SBF2: variants seen among roughly 807,000 people sequenced by gnomAD.
SBF2 encodes the protein SET binding factor 2.
A neutral mutation model predicts 225.2 loss-of-function variants in SBF2; 112 were observed. The observed-to-expected ratio is 0.50, with a 90% CI of 0.43 to 0.58. The LOEUF (loss-of-function observed/expected upper bound fraction) is 0.58, where lower values mean the gene tolerates loss of function less well. SBF2 is among the 20% of genes least tolerant of loss of function. SBF2 has a pLI of 0.00. For missense variants in SBF2, 1,996 were observed against 2,206.2 expected (o/e 0.90, Z 1.91); for synonymous variants, 763 against 773.3 (o/e 0.99, Z 0.22).
At position 9,829,391 on chromosome 11, in the gene SBF2, G is replaced by A. The variant is rs368392902; in HGVS notation, c.3758C>T (p.Thr1253Ile). 18 of 1,614,066 alleles carry A rather than the reference G, an allele frequency of 1.1e-5. No individual in the cohort carries two copies. In the African/African-American group the frequency reaches 2.1e-4, roughly 19 times the overall value. Residue 1253 changes from threonine to isoleucine, a missense_variant, in exon 28 of 40, where the codon ACT (threonine) becomes ATT (isoleucine). Thr to Ile is a moderately conservative substitution (Grantham distance 89). Coordinates refer to ENST00000256190, the MANE Select transcript of SBF2 (RefSeq NM_030962.4). ...AGCAAAGGCTGGCCTGACAGTAAGA[G>A]TGCTGTTGCCTCTGAGTTTCTGATG... ...SVHQKLRGNS[T>I]LTVRPAFALS... is the part of the protein sequence containing the mutation.
chr11:10,117,657 G>A (rs1436692520), intron 2 of SBF2, among the ~76,000 whole-genome samples: 2 of 151,956 alleles, frequency 1.3e-5, no homozygotes, highest in African/African-American at 4.8e-5. Flanking sequence ...GTGATTATTG[G>A]GAGCAGGGGA....
chr11:9,949,548 A>G (rs1036542959), intron 16 of SBF2, among the ~76,000 whole-genome samples: 2 of 152,178 alleles, frequency 1.3e-5, no homozygotes, highest in Non-Finnish European at 2.9e-5. Flanking sequence ...TGAGATAATC[A>G]TAATTCTTTT....
chr11:9,909,404 G>T (rs1223926104), intron 16 of SBF2, among the ~76,000 whole-genome samples: 1 of 152,002 alleles, frequency 6.6e-6, no homozygotes, highest in African/African-American at 2.4e-5. Context: ...GGGCGCGGTG[G>T]CTTACGCCTG....
chr11:10,273,595 C>T (rs546844356), intron 1 of SBF2, among the ~76,000 whole-genome samples: 12 of 152,284 alleles, frequency 7.9e-5, no homozygotes, highest in African/African-American at 2.9e-4. Flanking sequence ...ATGCTAGGAC[C>T]ATGGGTGGCA....
At chr11:10,031,899 C>A (rs780563090) in intron 3 of SBF2, among the ~76,000 whole-genome samples, 1 of 152,110 alleles carries the variant, frequency 6.6e-6, no homozygotes, top group South Asian at 2.1e-4. Context: ...CACTCCACCA[C>A]GCCAGGTTAA....
chr11:10,258,109 C>CACACACACT lies in SBF2; in HGVS notation c.55+35905_55+35906insAGTGTGTGT, dbSNP rs1555098198. Among the ~76,000 whole-genome samples the CACACACACT allele has an allele frequency of 9.0e-5, 12 of 133,526 alleles. 1 individual carries two copies. The highest frequency in any genetic ancestry group is 1.6e-4 in the Non-Finnish European group (10 of 61,608). 87.6% of individuals were successfully genotyped at this position (133,526 alleles called of 152,430 possible). ...ACACACACACACACACACACACACA[C>CACACACACT]TTTTTTTTTTTTTTGAGACAGGATC... On this transcript the variant is annotated intron_variant, in intron 1 of 39. Coordinates refer to ENST00000256190, the MANE Select transcript of SBF2 (RefSeq NM_030962.4).
chr11:10,018,869 C>T (rs1037529733), intron 6 of SBF2, among the ~76,000 whole-genome samples: 2 of 152,140 alleles, frequency 1.3e-5, no homozygotes, highest in African/African-American at 4.8e-5. Flanking sequence ...CTGACTATTT[C>T]CTAAAACCCT....
intron 2 of SBF2, among the ~76,000 whole-genome samples, chr11:10,072,279 G>A (rs374594844): frequency 3.0e-4 from 45 of 152,036 alleles, no homozygotes; most frequent in African/African-American, 9.9e-4. Context: ...CTTCACAAAC[G>A]GTTTCTAAGA....
chr11:10,227,548 A>G (rs1213316333), intron 1 of SBF2, among the ~76,000 whole-genome samples: 1 of 152,214 alleles, frequency 6.6e-6, no homozygotes, highest in African/African-American at 2.4e-5. Context: ...ATGACTAGCC[A>G]GTTTTCCCAG....
At chr11:10,209,011 A>G (rs908986244) in intron 1 of SBF2, among the ~76,000 whole-genome samples, 1 of 152,188 alleles carries the variant, frequency 6.6e-6, no homozygotes, top group Non-Finnish European at 1.5e-5. Flanking sequence ...ATTAAAAAAC[A>G]GCAAAGGCTA....
At chr11:9,794,152 A>C (rs1852936290) in intron 33 of SBF2, among the ~76,000 whole-genome samples, 1 of 152,090 alleles carries the variant, frequency 6.6e-6, no homozygotes, top group South Asian at 2.1e-4. Context: ...ACCGCACTCC[A>C]GCCGGGGAGA....
intron 2 of SBF2, among the ~76,000 whole-genome samples, chr11:10,151,918 C>G (rs1955215735): frequency 6.6e-6 from 1 of 152,144 alleles, no homozygotes; most frequent in Non-Finnish European, 1.5e-5. Flanking sequence ...ACTAAACGTT[C>G]AGGAACACAT....
At chr11:10,130,311 G>C (rs1435207212) in intron 2 of SBF2, among the ~76,000 whole-genome samples, 2 of 148,724 alleles carry the variant, frequency 1.3e-5, no homozygotes, top group Non-Finnish European at 3.0e-5. Flanking sequence ...GCAGTGAGCC[G>C]AGATCGCACC....
At chr11:9,830,330 A>T (rs1855311887) in intron 27 of SBF2, among the ~76,000 whole-genome samples, 1 of 152,236 alleles carries the variant, frequency 6.6e-6, no homozygotes, top group Admixed American at 6.5e-5. Flanking sequence ...TCTAAGACGC[A>T]CTGTTATTTT....
At chr11:10,151,459 C>T (rs1476224463) in intron 2 of SBF2, among the ~76,000 whole-genome samples, 3 of 152,162 alleles carry the variant, frequency 2.0e-5, no homozygotes, top group Non-Finnish European at 2.9e-5. Flanking sequence ...CTGCATAGAG[C>T]TTATTTTCTT....
At chr11:9,917,826 T>C (rs1863235670) in intron 16 of SBF2, among the ~76,000 whole-genome samples, 3 of 151,492 alleles carry the variant, frequency 2.0e-5, no homozygotes, top group South Asian at 4.1e-4. Flanking sequence ...ACACCTCCAA[T>C]TTGATGTCTT....
At chr11:9,922,915 G>T (rs1014176883) in intron 16 of SBF2, among the ~76,000 whole-genome samples, 1 of 152,166 alleles carries the variant, frequency 6.6e-6, no homozygotes, top group African/African-American at 2.4e-5. Context: ...AGGTTGCCTC[G>T]AGAGACAACA....
At chr11:10,067,882 C>A (rs894742947) in intron 2 of SBF2, among the ~76,000 whole-genome samples, 8 of 151,936 alleles carry the variant, frequency 5.3e-5, no homozygotes, top group Admixed American at 1.3e-4. Flanking sequence ...CAAAATGATA[C>A]CCCTCCCCCG....
intron 2 of SBF2, 41 bp from the exon 3 acceptor site, chr11:10,043,022 TA>T: frequency 6.3e-7 from 1 of 1,576,218 alleles, no homozygotes; most frequent in Non-Finnish European, 8.7e-7. Flanking sequence ...TTAAAAACAA[TA>T]AAAGTTAATT....
Sources: gnomAD v4.1 joint callset for allele counts (sites outside exome capture counted in the v4.1 genomes callset) on GRCh38, gnomAD v4.1.1 for gene constraint, MANE v1.5 for transcripts, NCBI Gene and HGNC (gene_info 2026-07-23, HGNC 2026-07-21) for gene names.